NFRKB: variants seen among roughly 807,000 people sequenced by gnomAD.
The protein encoded by NFRKB is nuclear factor related to kappaB binding protein.
Under a neutral mutation model 135.7 loss-of-function variants are expected in NFRKB, and 62 were observed. That is an observed-to-expected ratio of 0.46 (90% confidence interval 0.37 to 0.56). The LOEUF (loss-of-function observed/expected upper bound fraction) is 0.56. Ranked by LOEUF, NFRKB falls within the 20% of genes least tolerant of loss-of-function variation. The pLI is 0.00. For synonymous variants in NFRKB, 678 were observed against 635.6 expected, an observed-to-expected ratio of 1.07 and a Z score of -1.00; for missense variants, 1,545 against 1,662.0, an observed-to-expected ratio of 0.93 and a Z score of 1.22.
intron 24 of NFRKB, 38 bp downstream of exon 24, chr11:129,869,456 T>C (rs757354983): frequency 3.5e-5 from 54 of 1,534,474 alleles, no homozygotes; most frequent in Non-Finnish European, 4.7e-5. Context: ...TTAAGTTTTC[T>C]AAAAAAGAAG....
At chr11:129,881,085 C>T (rs1263588831) in intron 13 of NFRKB, among the ~76,000 whole-genome samples, 1 of 152,152 alleles carries the variant, frequency 6.6e-6, no homozygotes, top group Non-Finnish European at 1.5e-5. Context: ...ATAGCAAAGC[C>T]CATTTTTAGG....
At chr11:129,876,628 G>A in intron 17 of NFRKB, 93 bp downstream of exon 17, 1 of 1,368,766 alleles carries the variant, frequency 7.3e-7, no homozygotes. Flanking sequence ...TACCCTGGGT[G>A]GAGGGGTAAG....
At chr11:129,865,382 G>C (rs969535449) in intron 25 of NFRKB, among the ~76,000 whole-genome samples, 2 of 152,186 alleles carry the variant, frequency 1.3e-5, no homozygotes, top group East Asian at 1.9e-4. Flanking sequence ...GCCCCAGAGA[G>C]GTGTGCACTT....
chr11:129,872,894 A>G lies in NFRKB; in HGVS notation c.2753T>C (p.Ile918Thr). Residue 918 changes from isoleucine (I) to threonine (T), a missense_variant, in exon 23 of 27, where the codon ATC becomes ACC. Physicochemically the swap from Ile to Thr is moderately conservative, Grantham distance 89 (BLOSUM62 -1). This residue lies in a region of NFRKB where 753 missense variants were observed against 804.3 expected (regional missense o/e 0.94). Transcript: ENST00000682444. ...AAGAGCCCCACCTACCTGCTTGATG[A>G]TGTTCTGTCCTGTGACATTTTGAAT... ...AVIQNVTGQN[I>T]IKQVAITGQL... 5 of 1,602,252 alleles carry G rather than the reference A, an allele frequency of 3.1e-6. No individual in the cohort carries two copies. The highest frequency in any genetic ancestry group is 4.3e-6 in the Non-Finnish European group (5 of 1,170,868).
intron 23 of NFRKB, 54 bp downstream of exon 23, chr11:129,872,830 G>A (rs1429080835): frequency 6.6e-7 from 1 of 1,517,238 alleles, no homozygotes; most frequent in South Asian, 1.3e-5. Context: ...CAGCTCCAGT[G>A]GTCCCTGCTC....
rs1418233781 is a variant in NFRKB at position 129,884,124 on chromosome 11, G to A, written c.762C>T (p.Asp254=). Residue 254 remains aspartate (D), a synonymous_variant, in exon 8 of 27, where the codon GAC becomes GAT. Transcript: ENST00000682444. ...TCTTTAACATTATCTTCAGGTCACT[G>A]TCCCCCAGTTCTACTTTATCTGAGA... ...MKTADKVELG[D]SDLKIMLKKH... is the part of the protein sequence containing the mutation. The A allele has an allele frequency of 1.2e-6, 2 of 1,613,986 alleles. No individual in the cohort carries two copies. Among genetic ancestry groups the A allele is most frequent in the African/African-American group, 2.7e-5 (2 of 74,894 alleles).
intron 23 of NFRKB, among the ~76,000 whole-genome samples, chr11:129,872,312 T>G (rs1017671865): frequency 3.3e-5 from 5 of 152,102 alleles, no homozygotes; most frequent in African/African-American, 1.2e-4. Flanking sequence ...TTAATGTTTG[T>G]TGAACAAAAA....
chr11:129,870,144 T>C lies in NFRKB; in HGVS notation c.2881A>G (p.Thr961Ala), dbSNP rs994022548. Reference protein sequence around the residue: ...DVLRLPPSSITTDAKGQTVLR... With the variant: ...DVLRLPPSSIATDAKGQTVLR... ...ACCGTCTGGCCCTTGGCATCTGTGGTGATGGAAGAGGGCGGCAGACGCAAT... is the reference window on the plus strand; with the variant it reads ...ACCGTCTGGCCCTTGGCATCTGTGGCGATGGAAGAGGGCGGCAGACGCAAT... Residue 961 changes from threonine (T) to alanine (A), a missense_variant, in exon 24 of 27, where the codon ACC becomes GCC. Transcript: ENST00000682444. The C allele has an allele frequency of 6.2e-7, 1 of 1,614,156 alleles. No homozygotes were observed.
chr11:129,885,330 G>A, intron 6 of NFRKB, 105 bp downstream of exon 6: 1 of 1,310,996 alleles, frequency 7.6e-7, no homozygotes. Context: ...CAACTCAAGA[G>A]GGTTTCTTTG....
rs116487394 is a variant in NFRKB, at chr11:129,867,873, G to A, written c.3531+1621C>T. On this transcript the variant is annotated intron_variant, in intron 24 of 26. Transcript: ENST00000682444. ...CACCTGTGTGGGGATATGGGGATTT[G>A]GTTTATGATAAATGCAGCCTTTCAA... is the stretch of plus-strand genomic sequence containing the variant. Among the ~76,000 whole-genome samples the A allele has an allele frequency of 4.9e-3, 747 of 152,214 alleles. 6 individuals are homozygous for A. Among genetic ancestry groups the A allele is most frequent in the African/African-American group, 0.017 (707 of 41,534 alleles).
At chr11:129,885,644 T>C in intron 5 of NFRKB, 35 bp from the exon 6 acceptor site, 1 of 1,567,292 alleles carries the variant, frequency 6.4e-7, no homozygotes, top group African/African-American at 1.3e-5. Flanking sequence ...CAAGTCATCA[T>C]CCAAGACCTG....
chr11:129,879,885 G>T (rs749332667), intron 13 of NFRKB, among the ~76,000 whole-genome samples: 3 of 152,182 alleles, frequency 2.0e-5, no homozygotes, highest in Non-Finnish European at 2.9e-5. Context: ...TACCTCAAAT[G>T]CAGCTCTAAA....
chr11:129,879,977 AG>A (rs1194535291), intron 13 of NFRKB, among the ~76,000 whole-genome samples: 1 of 152,214 alleles, frequency 6.6e-6, no homozygotes, highest in African/African-American at 2.4e-5. Context: ...ACCTGGGCTC[AG>A]GAGTTCAAGA....
intron 1 of NFRKB, among the ~76,000 whole-genome samples, chr11:129,894,668 G>C (rs1949695983): frequency 1.3e-5 from 2 of 152,208 alleles, no homozygotes; most frequent in Admixed American, 6.5e-5. Flanking sequence ...CCAAGCAACT[G>C]TGCCCCCTCA....
rs780928110 is a variant in NFRKB at position 129,892,896 on chromosome 11, CAGAA to C, written c.-21-30_-21-27del. The stretch of plus-strand genomic sequence containing the variant: ...CTGGACAAAGACATGCATCTTGAGA[CAGAA>C]AGGCAGAAATTCCAGGGATCTAGTT... On this transcript the variant is annotated intron_variant, in intron 2 of 26. Transcript: ENST00000682444. 2.5e-6 allele frequency: 4 copies of C among 1,613,664 alleles called. No individual in the cohort carries two copies. The East Asian group carries it at 8.9e-5, about 36-fold the overall frequency.
chr11:129,874,104 G>A lies in NFRKB; in HGVS notation c.2279+9C>T, dbSNP rs1412891007. 6.4e-6 allele frequency: 10 copies of A among 1,559,064 alleles called. No individual in the cohort carries two copies. The highest frequency in any genetic ancestry group is 8.7e-6 in the Non-Finnish European group (10 of 1,151,938). The stretch of plus-strand genomic sequence containing the variant: ...AGAACGAAAAAGCTGAAGAAAAGGA[G>A]GAACTTACCCCGAGCTAGACTTAGC... On this transcript the variant is annotated intron_variant, in intron 21 of 26. Transcript: ENST00000682444. This position sits in a 1 kb window ranked among gnomAD's most constrained non-coding sequence, Gnocchi z 4.5.
At chr11:129,886,473 C>A in intron 4 of NFRKB, 29 bp from the exon 5 acceptor site, 1 of 1,598,574 alleles carries the variant, frequency 6.3e-7, no homozygotes, top group South Asian at 1.1e-5. Context: ...TATATATTTA[C>A]ATCAATCAAC....
At chr11:129,872,460 T>G (rs1413913031) in intron 23 of NFRKB, 1 of 156,324 alleles carries the variant, frequency 6.4e-6, no homozygotes, top group South Asian at 1.9e-4. Context: ...CAGGAGGCAC[T>G]CCTATCAGTA....
chr11:129,876,623 T>C (rs1948777569), intron 17 of NFRKB, 98 bp downstream of exon 17: 2 of 1,353,174 alleles, frequency 1.5e-6, no homozygotes, highest in Non-Finnish European at 2.0e-6. Flanking sequence ...AAGCCTACCC[T>C]GGGTGGAGGG....
Sources: gnomAD v4.1 joint callset for allele counts (sites outside exome capture counted in the v4.1 genomes callset) on GRCh38, gnomAD v4.1.1 for gene constraint, gnomAD v4.1.1 regional missense constraint, Gnocchi (gnomAD v3.1) non-coding constraint, MANE v1.5 for transcripts, NCBI Gene and HGNC (gene_info 2026-07-23, HGNC 2026-07-21) for gene names.